Variants in BTD observed in about 807,000 individuals in gnomAD.
BTD encodes biotinidase.
In BTD, 13 loss-of-function variants were observed where a neutral mutation model predicts 17.7. The ratio of observed to expected loss-of-function variants is 0.74; its 90% confidence interval spans 0.48 to 1.17. BTD has a LOEUF of 1.17. Ranked by LOEUF, BTD falls within the 50% of genes most tolerant of loss-of-function variation. The pLI, the probability that BTD is intolerant of heterozygous loss-of-function variation, is 0.00. For synonymous variants in BTD, 240 were observed against 245.2 expected (o/e 0.98, Z 0.20); for missense variants, 674 against 650.4 (o/e 1.04, Z -0.39).
At chr3:15,680,436 A>T (rs2067421858) in intron 3 of BTD, among the ~76,000 whole-genome samples, 1 of 151,966 alleles carries the variant, frequency 6.6e-6, no homozygotes, top group Non-Finnish European at 1.5e-5. Flanking sequence ...CAAACTCCTG[A>T]TCTCAGGTGA....
At chr3:15,699,235 T>A (rs143270279) in intron 3 of BTD, among the ~76,000 whole-genome samples, 343 of 152,216 alleles carry the variant, frequency 2.3e-3, no homozygotes, top group African/African-American at 7.9e-3. Flanking sequence ...TATACAAAAA[T>A]TAACTCAAGA....
chr3:15,633,757 TG>T (rs2065274098), intron 1 of BTD, among the ~76,000 whole-genome samples: 1 of 152,226 alleles, frequency 6.6e-6, no homozygotes, highest in South Asian at 2.1e-4. Flanking sequence ...ACTTTGAAGA[TG>T]AAAGTTTGCC....
At chr3:15,606,098 C>A (rs1281361865) in intron 1 of BTD, among the ~76,000 whole-genome samples, 1 of 149,596 alleles carries the variant, frequency 6.7e-6, no homozygotes, top group African/African-American at 2.5e-5. Context: ...TTTGAGTAGT[C>A]CTTGACACAA....
chr3:15,685,313 G>T, intron 3 of BTD: 1 of 1,613,998 alleles, frequency 6.2e-7, no homozygotes, highest in Non-Finnish European at 8.5e-7. Flanking sequence ...GACTGCAAAA[G>T]GGCTCCAAGA....
chr3:15,612,721 ATTG>A (rs1483267122), intron 1 of BTD, among the ~76,000 whole-genome samples: 4 of 142,924 alleles, frequency 2.8e-5, no homozygotes, highest in Non-Finnish European at 4.6e-5. Context: ...TATGTTGTCT[ATTG>A]TTGTATAAAA....
chr3:15,686,015 G>A (rs768054447), intron 3 of BTD: 24 of 1,613,172 alleles, frequency 1.5e-5, no homozygotes, highest in Non-Finnish European at 4.2e-6. Context: ...TCTATGCAAC[G>A]CTGTCCTTCC....
intron 3 of BTD, among the ~76,000 whole-genome samples, chr3:15,704,361 G>A (rs2071056084): frequency 6.6e-6 from 1 of 152,046 alleles, no homozygotes; most frequent in African/African-American, 2.4e-5. Context: ...GGGATAAAAG[G>A]CAGAGCAGAA....
chr3:15,703,480 A>C (rs1466689396), intron 3 of BTD, among the ~76,000 whole-genome samples: 4 of 152,286 alleles, frequency 2.6e-5, no homozygotes, highest in South Asian at 2.1e-4. Flanking sequence ...TGTCCTTATA[A>C]ATAAGGCCCA....
At chr3:15,631,165 C>T (rs2125435791) in intron 1 of BTD, among the ~76,000 whole-genome samples, 1 of 152,300 alleles carries the variant, frequency 6.6e-6, no homozygotes, top group South Asian at 2.1e-4. Context: ...AGTCACTACA[C>T]ATAGAAATGT....
chr3:15,678,276 A>G, intron 3 of BTD: 3 of 1,613,188 alleles, frequency 1.9e-6, no homozygotes, highest in Non-Finnish European at 2.5e-6. Context: ...AGTCCACAGA[A>G]TTGACTTGAG....
chr3:15,708,357 A>G (rs945501317), intron 3 of BTD, among the ~76,000 whole-genome samples: 5 of 152,166 alleles, frequency 3.3e-5, no homozygotes, highest in Non-Finnish European at 7.3e-5. Context: ...TAACCTTCAT[A>G]TTCTGCTCAG....
chr3:15,624,174 G>C lies in BTD; in HGVS notation c.-16-11250G>C, dbSNP rs192901295. ...CTTTGCTTTTCTGTAATTTGAATATGATTTGCCTACATGTAGATTTTTTTA... is the reference window on the plus strand; with the variant it reads ...CTTTGCTTTTCTGTAATTTGAATATCATTTGCCTACATGTAGATTTTTTTA... On this transcript the variant is annotated intron_variant, in intron 1 of 3. Transcript: ENST00000643237. Among the ~76,000 whole-genome samples, 20 of 152,186 alleles carry C rather than the reference G, an allele frequency of 1.3e-4. No homozygotes were observed. The East Asian group carries it at 3.3e-3, about 25-fold the overall frequency.
intron 1 of BTD, chr3:15,632,624 G>C (rs2065240438): frequency 6.6e-6 from 1 of 152,298 alleles, no homozygotes. Flanking sequence ...GTCAGCTGCT[G>C]TATTTCCAAG....
chr3:15,644,883 G>T lies in BTD; in HGVS notation c.967G>T (p.Gly323Cys). 6.2e-7 allele frequency: 1 copy of T among 1,614,078 alleles called. No individual in the cohort carries two copies. The highest frequency in any genetic ancestry group is 1.1e-5 in the South Asian group (1 of 91,066). The change falls in exon 4 of 4, where the codon GGT (glycine) becomes TGT (cysteine). Residue 323 changes from glycine to cysteine, a missense_variant. Transcript: ENST00000643237. ...TGCCCAGGTGGCCAAAAATCCAGTG[G>T]GTCTCATTGGTGCAGAGAATGCAAC... ...IIAQVAKNPV[G>C]LIGAENATGE...
rs760783811 is a variant in BTD at position 15,635,396 on chromosome 3, G to C, written c.-16-28G>C. On this transcript the variant is annotated intron_variant, in intron 1 of 3. Transcript: ENST00000643237. The surrounding 1 kb of genome is among the most constrained non-coding windows in gnomAD (Gnocchi z 4.1). The stretch of plus-strand genomic sequence containing the variant: ...TCTTGGCAGGATTCTTTATTCAGCT[G>C]TTTTCCCCTTGCCCCATTACATTCC... 1.9e-6 allele frequency: 3 copies of C among 1,614,182 alleles called. No individual in the cohort carries two copies. Among genetic ancestry groups the C allele is most frequent in the Non-Finnish European group, 2.5e-6 (3 of 1,180,038 alleles).
chr3:15,714,729 C>G (rs758279371), downstream of BTD: 1 of 1,008,198 alleles, frequency 9.9e-7, no homozygotes, highest in Non-Finnish European at 1.4e-6. Context: ...ACTTTGAATA[C>G]CCTCTTGCAT....
At chr3:15,710,400 C>A (rs925764274) in exon 4 of BTD, among the ~76,000 whole-genome samples, 1 of 152,126 alleles carries the variant, frequency 6.6e-6, no homozygotes, top group African/African-American at 2.4e-5. Flanking sequence ...TCTCTGTAGG[C>A]AAGTTACGTG....
chr3:15,715,245 T>A (rs1186729388), downstream of BTD, among the ~76,000 whole-genome samples: 1 of 152,206 alleles, frequency 6.6e-6, no homozygotes, highest in African/African-American at 2.4e-5. Context: ...TAGTGTCTTT[T>A]CTTTTCTAAA....
chr3:15,611,342 A>G (rs901298904), intron 1 of BTD, among the ~76,000 whole-genome samples: 2 of 152,202 alleles, frequency 1.3e-5, no homozygotes, highest in African/African-American at 4.8e-5. Context: ...TGGAAGCTAC[A>G]TGCCAAGAAG....
Sources: gnomAD v4.1 joint callset for allele counts (sites outside exome capture counted in the v4.1 genomes callset) on GRCh38, gnomAD v4.1.1 for gene constraint, Gnocchi (gnomAD v3.1) non-coding constraint, MANE v1.5 for transcripts, NCBI Gene and HGNC (gene_info 2026-07-23, HGNC 2026-07-21) for gene names.